CSMD1: variants seen among roughly 807,000 people sequenced by gnomAD.
The protein encoded by CSMD1 is CUB and sushi domain-containing protein 1.
Under a neutral mutation model 417.5 loss-of-function variants are expected in CSMD1, and 213 were observed. That is an observed-to-expected ratio of 0.51 (90% CI 0.46 to 0.57). The LOEUF is 0.57. Ranked by LOEUF, CSMD1 falls within the 20% of genes least tolerant of loss-of-function variation. CSMD1 has a pLI of 0.00. For synonymous variants in CSMD1, 2,862 were observed against 1,736.8 expected, an observed-to-expected ratio of 1.65 and a Z score of -16.11; for missense variants, 6,923 against 4,529.7, an observed-to-expected ratio of 1.53 and a Z score of -15.17.
chr8:4,798,337 G>A (rs924747116), intron 1 of CSMD1, among the ~76,000 whole-genome samples: 1 of 152,130 alleles, frequency 6.6e-6, no homozygotes, highest in Non-Finnish European at 1.5e-5. Flanking sequence ...CAAAGGACAT[G>A]AACTCATCCT....
chr8:4,927,315 C>A (rs939671465), intron 1 of CSMD1, among the ~76,000 whole-genome samples: 1 of 152,026 alleles, frequency 6.6e-6, no homozygotes, highest in African/African-American at 2.4e-5. Flanking sequence ...GCCTCAGCTT[C>A]CCAAAGTGGT....
chr8:3,341,845 G>T (rs1312968760), intron 23 of CSMD1, among the ~76,000 whole-genome samples: 5 of 152,072 alleles, frequency 3.3e-5, no homozygotes, highest in African/African-American at 1.2e-4. Flanking sequence ...CTAGTGTAGG[G>T]GCAAGGAAGC....
chr8:4,072,405 G>C (rs898012754), intron 3 of CSMD1, among the ~76,000 whole-genome samples: 2 of 152,078 alleles, frequency 1.3e-5, no homozygotes, highest in African/African-American at 2.4e-5. Context: ...TATGTACCAA[G>C]CATTTTACAC....
At chr8:3,510,554 G>A (rs1266397079) in intron 10 of CSMD1, among the ~76,000 whole-genome samples, 1 of 151,824 alleles carries the variant, frequency 6.6e-6, no homozygotes, top group Non-Finnish European at 1.5e-5. Context: ...AGCAACATTT[G>A]TCACTTGCTT....
At chr8:4,029,189 C>G (rs1366801048) in intron 4 of CSMD1, among the ~76,000 whole-genome samples, 2 of 152,088 alleles carry the variant, frequency 1.3e-5, no homozygotes. Context: ...ATCTTTGAAT[C>G]CTACAACGAG....
chr8:4,320,818 A>G (rs1408899152), intron 3 of CSMD1, among the ~76,000 whole-genome samples: 1 of 152,314 alleles, frequency 6.6e-6, no homozygotes, highest in East Asian at 1.9e-4. Context: ...CATTTGACCC[A>G]ACAATCCCAT....
intron 3 of CSMD1, among the ~76,000 whole-genome samples, chr8:4,205,259 T>G (rs895014619): frequency 2.0e-5 from 3 of 152,218 alleles, no homozygotes; most frequent in Admixed American, 1.3e-4. Context: ...ATATCATATT[T>G]TTGCTGCTCA....
chr8:3,975,425 T>G (rs1029088592), intron 5 of CSMD1, among the ~76,000 whole-genome samples: 1 of 152,188 alleles, frequency 6.6e-6, no homozygotes, highest in East Asian at 1.9e-4. Context: ...GATAACCATT[T>G]ACAACCCTTA....
At chr8:4,323,992 T>A (rs1799415356) in intron 3 of CSMD1, among the ~76,000 whole-genome samples, 1 of 152,166 alleles carries the variant, frequency 6.6e-6, no homozygotes, top group Non-Finnish European at 1.5e-5. Flanking sequence ...GACTTCACTG[T>A]GATCCTGGGA....
chr8:4,267,728 G>A (rs1040283318), intron 3 of CSMD1, among the ~76,000 whole-genome samples: 3 of 152,040 alleles, frequency 2.0e-5, no homozygotes, highest in African/African-American at 7.2e-5. Flanking sequence ...AAGTTCTGAA[G>A]ATATTCCAAA....
intron 5 of CSMD1, among the ~76,000 whole-genome samples, chr8:3,914,504 G>A (rs1312881322): frequency 6.6e-6 from 1 of 152,178 alleles, no homozygotes; most frequent in African/African-American, 2.4e-5. Flanking sequence ...TGCAATCTGT[G>A]TAAAGTTTAA....
chr8:3,411,699 TATATATAC>T (rs1812718994), intron 12 of CSMD1, among the ~76,000 whole-genome samples: 1 of 133,026 alleles, frequency 7.5e-6, no homozygotes, highest in Non-Finnish European at 1.7e-5. Flanking sequence ...TATACACACG[TATATATAC>T]ACGTATATAT....
chr8:4,342,431 A>C (rs563062831), intron 3 of CSMD1, among the ~76,000 whole-genome samples: 91 of 152,180 alleles, frequency 6.0e-4, no homozygotes, highest in African/African-American at 1.9e-3. Context: ...GAACTGTTGA[A>C]AACTATTCTG....
chr8:2,969,100 A>G (rs1804215622), intron 57 of CSMD1, among the ~76,000 whole-genome samples: 1 of 152,126 alleles, frequency 6.6e-6, no homozygotes, highest in South Asian at 2.1e-4. Flanking sequence ...AATTCCTTAG[A>G]TATAGTGCCT....
At chr8:4,170,282 T>G in intron 3 of CSMD1, among the ~76,000 whole-genome samples, 1 of 151,906 alleles carries the variant, frequency 6.6e-6, no homozygotes, top group East Asian at 1.9e-4. Flanking sequence ...GGGTAGAGTC[T>G]ATGAATTTAA....
chr8:4,507,964 G>A (rs756408627), intron 2 of CSMD1, among the ~76,000 whole-genome samples: 7 of 151,964 alleles, frequency 4.6e-5, no homozygotes, highest in African/African-American at 1.4e-4. Flanking sequence ...CCTCATAGTA[G>A]AGACAAGTGT....
At chr8:3,916,322 G>C (rs1038822643) in intron 5 of CSMD1, among the ~76,000 whole-genome samples, 1 of 152,042 alleles carries the variant, frequency 6.6e-6, no homozygotes, top group African/African-American at 2.4e-5. Flanking sequence ...CACTACGCCG[G>C]ATATTTATAT....
intron 2 of CSMD1, among the ~76,000 whole-genome samples, chr8:4,455,556 T>A (rs965585935): frequency 6.6e-6 from 1 of 152,124 alleles, no homozygotes; most frequent in African/African-American, 2.4e-5. Flanking sequence ...TTATAGAATA[T>A]GACCTCCTGC....
At chr8:4,848,170 G>A (rs959180044) in intron 1 of CSMD1, among the ~76,000 whole-genome samples, 2 of 152,158 alleles carry the variant, frequency 1.3e-5, no homozygotes, top group African/African-American at 2.4e-5. Context: ...TGGTCTGGCT[G>A]AATAATATTT....
Sources: allele counts gnomAD v4.1 joint callset (sites outside exome capture counted in the v4.1 genomes callset), GRCh38; gene constraint gnomAD v4.1.1; transcripts MANE v1.5; gene names NCBI Gene and HGNC (gene_info 2026-07-23, HGNC 2026-07-21).